ZRANB3: variants seen among roughly 807,000 people sequenced by gnomAD.
ZRANB3 encodes the protein zinc finger RANBP2-type containing 3, also known as DNA annealing helicase and endonuclease ZRANB3.
ZRANB3 carries 125 observed loss-of-function variants against 133.8 expected under a neutral mutation model. The ratio of observed to expected loss-of-function variants is 0.93; its 90% CI spans 0.81 to 1.08. The LOEUF is 1.08. Among genes scored for constraint, ZRANB3 ranks in the 50% least tolerant of loss-of-function variants. ZRANB3 has a pLI of 0.00. For missense variants in ZRANB3, 1,229 were observed against 1,275.5 expected (o/e 0.96, Z 0.56); for synonymous variants, 387 against 432.7 (o/e 0.89, Z 1.31).
At chr2:135,279,350 A>G (rs1680989890) in intron 8 of ZRANB3, among the ~76,000 whole-genome samples, 1 of 152,198 alleles carries the variant, frequency 6.6e-6, no homozygotes. Context: ...CAATGAGAGT[A>G]GGGGCTGTTA....
chr2:135,357,875 T>G (rs1685508070), intron 3 of ZRANB3, among the ~76,000 whole-genome samples: 1 of 152,220 alleles, frequency 6.6e-6, no homozygotes, highest in Non-Finnish European at 1.5e-5. Flanking sequence ...TGGGTAGTAG[T>G]ATCTTCTCCC....
chr2:135,274,594 C>CT (rs1558879069), intron 9 of ZRANB3, among the ~76,000 whole-genome samples: 3 of 151,676 alleles, frequency 2.0e-5, no homozygotes, highest in African/African-American at 2.4e-5. Context: ...TTTTAGCAAC[C>CT]TTTTTTTAAA....
Position 135,349,987 on chromosome 2 carries a change from T to C in ZRANB3, c.588A>G (p.Glu196=). The C allele has an allele frequency of 6.2e-7, 1 of 1,613,334 alleles. No individual in the cohort carries two copies. Residue 196 remains glutamate (E), a synonymous_variant, in exon 5 of 21, where the codon GAA becomes GAG. Transcript: ENST00000264159. ...LTGTPALGRP[E]ELFMQIEALF... is the part of the protein sequence containing the mutation. ...CGAAGTATAAGGATTGTAATACCTC[T>C]TCAGGCCTTCCTAAAGCTGGTGTTC...
chr2:135,409,931 G>C (rs1688225852), intron 2 of ZRANB3, among the ~76,000 whole-genome samples: 1 of 152,124 alleles, frequency 6.6e-6, no homozygotes, highest in African/African-American at 2.4e-5. Context: ...GGTAGTGAAA[G>C]GAAAGATCTC....
chr2:135,368,237 A>G (rs1315098958), intron 3 of ZRANB3, among the ~76,000 whole-genome samples: 1 of 151,992 alleles, frequency 6.6e-6, no homozygotes, highest in Non-Finnish European at 1.5e-5. Context: ...AGAAAAGTTA[A>G]TGAGAAGGTT....
rs1457296251 is a variant in ZRANB3 at position 135,417,425 on chromosome 2, CAGTT to C, written c.162-26609_162-26606del. Among the ~76,000 whole-genome samples the C allele has an allele frequency of 2.0e-4, 31 of 152,098 alleles. No homozygotes were observed. The East Asian group carries it at 6.0e-3, about 29-fold the overall frequency. On this transcript the variant is annotated intron_variant, in intron 2 of 20. Transcript: ENST00000264159. ...ACCACAATGAGATACCATCTCACAC[CAGTT>C]AGAATGGCAATCATTAAAAAGTCAG...
chr2:135,474,744 G>A (rs1276878093), intron 2 of ZRANB3, among the ~76,000 whole-genome samples: 1 of 152,124 alleles, frequency 6.6e-6, no homozygotes, highest in Non-Finnish European at 1.5e-5. Context: ...AAGGACTAAT[G>A]CAAGGATGGA....
chr2:135,222,607 A>C (rs993741540), intron 15 of ZRANB3, among the ~76,000 whole-genome samples: 17 of 152,094 alleles, frequency 1.1e-4, no homozygotes, highest in African/African-American at 4.1e-4. Flanking sequence ...ATGAAATGCT[A>C]TCTCAACAAA....
chr2:135,385,820 C>A (rs1451851269), intron 3 of ZRANB3, among the ~76,000 whole-genome samples: 2 of 152,234 alleles, frequency 1.3e-5, no homozygotes, highest in South Asian at 4.1e-4. Context: ...CTGCTTTACA[C>A]CTTATACAAA....
Position 135,201,340 on chromosome 2 carries a change from C to T in ZRANB3, c.3142-900G>A, listed in dbSNP as rs113744570. ...TGAAGTCCATGTGAGGTGTTCCAGGCGGAAACAGTAAGGACAGAAGAGAAG... is the reference window on the plus strand; with the variant it reads ...TGAAGTCCATGTGAGGTGTTCCAGGTGGAAACAGTAAGGACAGAAGAGAAG... On this transcript the variant is annotated intron_variant, in intron 20 of 20. Coordinates refer to ENST00000264159, the MANE Select transcript of ZRANB3 (RefSeq NM_032143.4). Among the ~76,000 whole-genome samples, 464 of 151,948 alleles carry T rather than the reference C, an allele frequency of 3.1e-3. 3 individuals are homozygous for T. The highest frequency in any genetic ancestry group is 0.01 in the African/African-American group (431 of 41,458).
intron 2 of ZRANB3, among the ~76,000 whole-genome samples, chr2:135,402,650 G>A (rs13424640): frequency 0.015 from 2,254 of 151,352 alleles, 46 homozygotes; most frequent in African/African-American, 0.051. Context: ...GCAATGGTGC[G>A]ATCTTAGCTC....
intron 6 of ZRANB3, among the ~76,000 whole-genome samples, chr2:135,336,080 T>C (rs530557579): frequency 4.6e-5 from 7 of 152,330 alleles, no homozygotes; most frequent in South Asian, 4.1e-4. Flanking sequence ...TTTGTATTTA[T>C]AGTTTCTTCT....
Position 135,498,771 on chromosome 2 carries a change from C to CT in ZRANB3, c.161+5557dup, listed in dbSNP as rs761331128. Among the ~76,000 whole-genome samples the CT allele has an allele frequency of 1.2e-4, 18 of 152,110 alleles. No individual in the cohort carries two copies. The South Asian group carries it at 1.4e-3, about 12-fold the overall frequency. On this transcript the variant is annotated intron_variant, in intron 2 of 20. Transcript: ENST00000264159. ...AAATGGCCGCTTTGGGAACATCTATCTTTTTACGGTTGTAGATAAGGGATG... is the reference window on the plus strand; with the variant it reads ...AAATGGCCGCTTTGGGAACATCTATCTTTTTTACGGTTGTAGATAAGGGATG...
At chr2:135,230,961 A>C in intron 12 of ZRANB3, 34 bp from the exon 13 acceptor site, 1 of 1,508,122 alleles carries the variant, frequency 6.6e-7, no homozygotes. Flanking sequence ...TCAAAGTAAG[A>C]AGCAATCTAA....
chr2:135,259,275 G>A (rs1679823524), intron 12 of ZRANB3, among the ~76,000 whole-genome samples: 1 of 151,742 alleles, frequency 6.6e-6, no homozygotes. Context: ...TGGAGACTCA[G>A]CCTCTCAAAG....
intron 2 of ZRANB3, among the ~76,000 whole-genome samples, chr2:135,502,676 G>A (rs911355056): frequency 1.3e-5 from 2 of 152,182 alleles, no homozygotes; most frequent in Non-Finnish European, 2.9e-5. Context: ...ACCTAAAGGA[G>A]TTAAAGGCTG....
At chr2:135,234,746 C>T (rs551444390) in intron 12 of ZRANB3, among the ~76,000 whole-genome samples, 5 of 152,198 alleles carry the variant, frequency 3.3e-5, no homozygotes, top group South Asian at 2.1e-4. Context: ...TCAATGAGAA[C>T]GAAGACACAA....
chr2:135,303,274 T>C (rs1682527757), intron 8 of ZRANB3, among the ~76,000 whole-genome samples: 1 of 152,190 alleles, frequency 6.6e-6, no homozygotes, highest in Non-Finnish European at 1.5e-5. Context: ...TTTTGTATCC[T>C]GTCTAAAACA....
intron 2 of ZRANB3, among the ~76,000 whole-genome samples, chr2:135,454,593 T>C (rs952374005): frequency 4.6e-5 from 7 of 152,096 alleles, no homozygotes; most frequent in Non-Finnish European, 1.0e-4. Context: ...CCCCTTCCCA[T>C]CCTCCCCTTT....
Sources: allele counts gnomAD v4.1 joint callset (sites outside exome capture counted in the v4.1 genomes callset), GRCh38; gene constraint gnomAD v4.1.1; transcripts MANE v1.5; gene names NCBI Gene and HGNC (gene_info 2026-07-23, HGNC 2026-07-21).